The following GPR158 variants were observed in gnomAD, a reference collection of about 807,000 sequenced individuals.
The protein encoded by GPR158 is metabotropic glycine receptor.
Under a neutral mutation model 78.2 loss-of-function variants are expected in GPR158, and 30 were observed. That is an observed-to-expected ratio of 0.38 (90% CI 0.29 to 0.52). GPR158 has a LOEUF of 0.52. Among genes scored for constraint, GPR158 ranks in the 20% least tolerant of loss-of-function variants. GPR158 has a pLI of 0.83. For synonymous variants in GPR158, 581 were observed against 591.1 expected (o/e 0.98, Z 0.25); for missense variants, 1,463 against 1,523.5 (o/e 0.96, Z 0.66).
intron 7 of GPR158, among the ~76,000 whole-genome samples, chr10:25,581,839 T>C (rs981419847): frequency 6.6e-6 from 1 of 152,114 alleles, no homozygotes; most frequent in Non-Finnish European, 1.5e-5. Flanking sequence ...TGACAGTGTA[T>C]TAGTTCATTT....
At chr10:25,349,361 C>A (rs1358054362) in intron 2 of GPR158, among the ~76,000 whole-genome samples, 1 of 127,810 alleles carries the variant, frequency 7.8e-6, no homozygotes, top group African/African-American at 4.6e-5. Flanking sequence ...AGATCCTTAA[C>A]TTAAACACAT....
chr10:25,256,461 G>A (rs530368766), intron 2 of GPR158, among the ~76,000 whole-genome samples: 7 of 152,180 alleles, frequency 4.6e-5, no homozygotes, highest in African/African-American at 1.7e-4. Flanking sequence ...AGACCAACCT[G>A]GGTAACATAG....
intron 5 of GPR158, among the ~76,000 whole-genome samples, chr10:25,487,667 G>T (rs750583069): frequency 2.0e-5 from 3 of 152,166 alleles, no homozygotes; most frequent in Admixed American, 6.6e-5. Flanking sequence ...TATCCTGGGA[G>T]AGTAAATGAC....
chr10:25,464,373 C>T (rs1835395492), intron 4 of GPR158, among the ~76,000 whole-genome samples: 1 of 152,128 alleles, frequency 6.6e-6, no homozygotes, highest in African/African-American at 2.4e-5. Context: ...TTCATCTCCT[C>T]TTGGGTCATT....
At chr10:25,232,381 A>G (rs772494184) in intron 2 of GPR158, among the ~76,000 whole-genome samples, 1 of 152,280 alleles carries the variant, frequency 6.6e-6, no homozygotes, top group Middle Eastern at 3.4e-3. Context: ...AAAGTTGTCA[A>G]AGCTTTCAGT....
At chr10:25,258,860 C>T (rs1359171579) in intron 2 of GPR158, among the ~76,000 whole-genome samples, 1 of 152,126 alleles carries the variant, frequency 6.6e-6, no homozygotes, top group East Asian at 1.9e-4. Flanking sequence ...GAAGCCTTGT[C>T]TGTAACATAA....
At chr10:25,373,768 G>C (rs954107864) in intron 2 of GPR158, among the ~76,000 whole-genome samples, 1 of 151,736 alleles carries the variant, frequency 6.6e-6, no homozygotes, top group Non-Finnish European at 1.5e-5. Flanking sequence ...ATTTCTGTAT[G>C]ACTTCTAATG....
intron 2 of GPR158, among the ~76,000 whole-genome samples, chr10:25,353,809 G>A (rs1295558852): frequency 6.6e-6 from 1 of 151,984 alleles, no homozygotes. Flanking sequence ...TATCCATTCA[G>A]CCACTGTAAA....
intron 6 of GPR158, among the ~76,000 whole-genome samples, chr10:25,561,752 T>G (rs1836863526): frequency 6.6e-6 from 1 of 152,232 alleles, no homozygotes; most frequent in African/African-American, 2.4e-5. Context: ...CATTCAGCAT[T>G]GTTGGCCTAT....
chr10:25,391,221 G>GT (rs36012813), intron 2 of GPR158, among the ~76,000 whole-genome samples: 107,147 of 151,966 alleles, frequency 0.71, 38,764 homozygotes, highest in African/African-American at 0.77. Flanking sequence ...AGGAAAATGT[G>GT]GGTGGGAACC....
At chr10:25,368,780 T>TGA (rs59698450) in intron 2 of GPR158, among the ~76,000 whole-genome samples, 1,674 of 140,890 alleles carry the variant, frequency 0.012, 42 homozygotes, top group African/African-American at 0.043. Context: ...GCCATTTTCA[T>TGA]ATTGATTCTT....
intron 2 of GPR158, among the ~76,000 whole-genome samples, chr10:25,378,231 C>A (rs1296988157): frequency 6.6e-6 from 1 of 152,122 alleles, no homozygotes; most frequent in East Asian, 1.9e-4. Flanking sequence ...CAATCACCAA[C>A]TTATCCCTTT....
In GPR158 at chr10:25,572,699, C is replaced by T; in HGVS notation, c.1565C>T (p.Thr522Ile). Residue 522 changes from threonine (T) to isoleucine (I), a missense_variant, in exon 7 of 11, where the codon ACT (threonine) becomes ATT (isoleucine). Thr to Ile is a moderately conservative substitution (Grantham distance 89). Coordinates refer to ENST00000376351, the MANE Select transcript of GPR158 (RefSeq NM_020752.3). ...SRTAQRIPYM[T>I]GGRVMRMLAV... ...ACGGCTCAACGAATTCCATATATGA[C>T]TGGCGGACGGGTCATGAGGATGCTG... The T allele has an allele frequency of 6.2e-7, 1 of 1,614,030 alleles. No individual in the cohort carries two copies. The highest frequency in any genetic ancestry group is 8.5e-7 in the Non-Finnish European group (1 of 1,179,916).
At chr10:25,250,911 G>A (rs1291178810) in intron 2 of GPR158, among the ~76,000 whole-genome samples, 2 of 151,322 alleles carry the variant, frequency 1.3e-5, no homozygotes, top group Non-Finnish European at 2.9e-5. Flanking sequence ...TTGACAGTGG[G>A]GTGTTAAAGT....
intron 2 of GPR158, among the ~76,000 whole-genome samples, chr10:25,330,014 C>CT (rs58247937): frequency 0.78 from 115,041 of 147,766 alleles, 47,152 homozygotes; most frequent in Non-Finnish European, 0.92. Flanking sequence ...TGAGATAATT[C>CT]TTTTTTTTTT....
Position 25,594,362 on chromosome 10 carries a change from G to C in GPR158, c.1963G>C (p.Val655Leu), listed in dbSNP as rs1171180298. Residue 655 changes from valine to leucine, a missense_variant, in exon 9 of 11, where the codon GTG becomes CTG. Transcript: ENST00000376351. ...GTATTTTGCACATACTCATTTGACT[G>C]TGACAGTCACCATTGGGTTGCTTTT... Reference protein sequence around the residue: ...MLYFAHTHLTVTVTIGLLLIP... With the variant: ...MLYFAHTHLTLTVTIGLLLIP... 1 of 1,585,466 alleles carries C rather than the reference G, an allele frequency of 6.3e-7. No homozygotes were observed. Among genetic ancestry groups the C allele is most frequent in the East Asian group, 2.3e-5 (1 of 44,444 alleles).
At chr10:25,411,968 A>G (rs1315418314) in intron 3 of GPR158, among the ~76,000 whole-genome samples, 3 of 98,422 alleles carry the variant, frequency 3.0e-5, no homozygotes, top group Non-Finnish European at 6.9e-5. Context: ...AAAAAAAAAA[A>G]AAGACTTAGA....
chr10:25,412,230 G>T lies in GPR158; in HGVS notation c.1112-20G>T. On this transcript the variant is annotated intron_variant, in intron 3 of 10. Coordinates refer to ENST00000376351, the MANE Select transcript of GPR158 (RefSeq NM_020752.3). ...CCTAAGAGGTGCAAATGACACTGTG[G>T]TTTTATTTGGAACTTTCAGGAAGGG... The T allele has an allele frequency of 1.3e-6, 2 of 1,575,446 alleles. No homozygotes were observed. The highest frequency in any genetic ancestry group is 1.7e-6 in the Non-Finnish European group (2 of 1,144,784).
intron 4 of GPR158, among the ~76,000 whole-genome samples, chr10:25,453,456 T>C (rs1835249182): frequency 6.6e-6 from 1 of 152,198 alleles, no homozygotes; most frequent in African/African-American, 2.4e-5. Flanking sequence ...TAGTTTTATT[T>C]CTTGTATCTT....
Sources: gnomAD v4.1 joint callset for allele counts (sites outside exome capture counted in the v4.1 genomes callset) on GRCh38, gnomAD v4.1.1 for gene constraint, MANE v1.5 for transcripts, NCBI Gene and HGNC (gene_info 2026-07-23, HGNC 2026-07-21) for gene names.